Variants in TAOK3 observed in about 807,000 individuals in gnomAD.
TAOK3 encodes serine/threonine-protein kinase TAO3.
Under a neutral mutation model 120.4 loss-of-function variants are expected in TAOK3, and 40 were observed. The ratio of observed to expected loss-of-function variants is 0.33; its 90% CI spans 0.26 to 0.43. TAOK3 has a LOEUF of 0.43. Among genes scored for constraint, TAOK3 ranks in the 20% least tolerant of loss-of-function variants. TAOK3 has a pLI of 1.00. For synonymous variants in TAOK3, 355 were observed against 387.5 expected (o/e 0.92, Z 0.99); for missense variants, 821 against 1,112.1 (o/e 0.74, Z 3.72).
At chr12:118,156,648 A>G (rs1255755543) in intron 19 of TAOK3, among the ~76,000 whole-genome samples, 4 of 152,020 alleles carry the variant, frequency 2.6e-5, no homozygotes, top group Admixed American at 6.6e-5. Context: ...CGCAGCCAAT[A>G]CATCACCTTT....
intron 1 of TAOK3, among the ~76,000 whole-genome samples, chr12:118,361,337 T>C (rs1444664642): frequency 6.6e-6 from 1 of 152,204 alleles, no homozygotes; most frequent in African/African-American, 2.4e-5. Context: ...TTCATTTGTA[T>C]TCAATGAAAT....
intron 9 of TAOK3, among the ~76,000 whole-genome samples, chr12:118,231,073 T>G (rs958437151): frequency 1.2e-4 from 18 of 152,296 alleles, no homozygotes; most frequent in African/African-American, 4.3e-4. Flanking sequence ...AAGATATTAT[T>G]AAGTGAAAAA....
At chr12:118,301,078 T>C (rs115794877) in intron 1 of TAOK3, among the ~76,000 whole-genome samples, 2,280 of 152,220 alleles carry the variant, frequency 0.015, 53 homozygotes, top group African/African-American at 0.051. Flanking sequence ...ATCCTGCCTA[T>C]TTTTAAAATT....
intron 15 of TAOK3, among the ~76,000 whole-genome samples, chr12:118,178,699 C>T (rs1023159754): frequency 3.9e-5 from 6 of 152,194 alleles, no homozygotes; most frequent in African/African-American, 1.4e-4. Flanking sequence ...CTCAAATGAT[C>T]CACCTGCCTC....
In TAOK3 at chr12:118,175,355, G is replaced by A. The variant is rs904249691; in HGVS notation, c.1695+1846C>T. ...CAGAATATGAGCTCAGGCCAGGCGT[G>A]GTGGCTCACGCCTGTAATCTCAGCA... is the stretch of plus-strand genomic sequence containing the variant. On this transcript the variant is annotated intron_variant, in intron 16 of 20. Transcript: ENST00000392533. 4.6e-5 allele frequency among the ~76,000 whole-genome samples: 7 copies of A among 152,216 alleles called. 1 individual carries two copies. Among genetic ancestry groups the A allele is most frequent in the Admixed American group, 1.3e-4 (2 of 15,288 alleles).
intron 15 of TAOK3, among the ~76,000 whole-genome samples, chr12:118,178,320 G>A (rs2036478152): frequency 6.6e-6 from 1 of 152,088 alleles, no homozygotes; most frequent in East Asian, 1.9e-4. Context: ...ATAGCCCAAA[G>A]GTTAAGTTGT....
chr12:118,182,403 G>A (rs2036790335), intron 14 of TAOK3, among the ~76,000 whole-genome samples: 1 of 151,616 alleles, frequency 6.6e-6, no homozygotes, highest in Non-Finnish European at 1.5e-5. Flanking sequence ...ATTATCTGTT[G>A]TGGGGGCCGT....
At chr12:118,327,391 TGAAAGC>T (rs2043977378) in intron 1 of TAOK3, among the ~76,000 whole-genome samples, 1 of 152,190 alleles carries the variant, frequency 6.6e-6, no homozygotes, top group Non-Finnish European at 1.5e-5. Flanking sequence ...AATCATAGCA[TGAAAGC>T]TAAAGTTGAA....
intron 1 of TAOK3, among the ~76,000 whole-genome samples, chr12:118,289,473 C>G (rs994120164): frequency 6.6e-6 from 1 of 151,688 alleles, no homozygotes; most frequent in East Asian, 1.9e-4. Flanking sequence ...TGTCTATACC[C>G]AAGAACTTAA....
intron 1 of TAOK3, among the ~76,000 whole-genome samples, chr12:118,352,898 C>G (rs962864573): frequency 6.6e-6 from 1 of 152,038 alleles, no homozygotes; most frequent in African/African-American, 2.4e-5. Context: ...TTAGTAGAGA[C>G]AAGGTTTCAC....
At chr12:118,154,089 G>A (rs1014042333) in intron 19 of TAOK3, among the ~76,000 whole-genome samples, 1 of 152,266 alleles carries the variant, frequency 6.6e-6, no homozygotes, top group Admixed American at 6.5e-5. Context: ...AGGATTTACT[G>A]GCTCCCAATG....
intron 9 of TAOK3, among the ~76,000 whole-genome samples, chr12:118,222,163 G>A (rs2039266763): frequency 6.6e-6 from 1 of 152,074 alleles, no homozygotes; most frequent in Admixed American, 6.6e-5. Context: ...GTGCCTACAT[G>A]TATGTTTATC....
intron 8 of TAOK3, among the ~76,000 whole-genome samples, chr12:118,234,032 T>C (rs1192192579): frequency 2.0e-5 from 3 of 152,078 alleles, no homozygotes; most frequent in African/African-American, 7.2e-5. Flanking sequence ...AACCTATCTG[T>C]ACATCAGTTT....
intron 1 of TAOK3, among the ~76,000 whole-genome samples, chr12:118,350,880 GAAAAAGAAAAA>G (rs1462524434): frequency 7.9e-6 from 1 of 127,386 alleles, no homozygotes; most frequent in Non-Finnish European, 1.7e-5. Context: ...AAAAAGAAAA[GAAAAAGAAAAA>G]AAAAAGGCCA....
chr12:118,239,340 C>T, intron 5 of TAOK3, 68 bp from the exon 6 acceptor site: 1 of 880,206 alleles, frequency 1.1e-6, no homozygotes, highest in Admixed American at 2.2e-5. Context: ...ACCAACTAAA[C>T]AACCAATCAA....
At chr12:118,304,876 A>C (rs189113968) in intron 1 of TAOK3, among the ~76,000 whole-genome samples, 2 of 152,346 alleles carry the variant, frequency 1.3e-5, no homozygotes, top group East Asian at 3.9e-4. Flanking sequence ...AAAGAGAAAC[A>C]ACACGACACC....
At chr12:118,319,849 A>G (rs2043628782) in intron 1 of TAOK3, among the ~76,000 whole-genome samples, 1 of 152,166 alleles carries the variant, frequency 6.6e-6, no homozygotes, top group Non-Finnish European at 1.5e-5. Context: ...TCCCAGTTAT[A>G]TACCCCAAAG....
At chr12:118,238,737 T>C (rs1157779652) in intron 6 of TAOK3, among the ~76,000 whole-genome samples, 1 of 151,836 alleles carries the variant, frequency 6.6e-6, no homozygotes, top group Admixed American at 6.6e-5. Context: ...TGGGCTCAAG[T>C]GATCCTCCTG....
At chr12:118,243,366 A>G in intron 5 of TAOK3, 49 bp downstream of exon 5, 1 of 1,053,092 alleles carries the variant, frequency 9.5e-7, no homozygotes, top group East Asian at 2.6e-5. Context: ...AAAAAAAAGA[A>G]AAAGAAAAAA....
Sources: gnomAD v4.1 joint callset for allele counts (sites outside exome capture counted in the v4.1 genomes callset) on GRCh38, gnomAD v4.1.1 for gene constraint, MANE v1.5 for transcripts, NCBI Gene and HGNC (gene_info 2026-07-23, HGNC 2026-07-21) for gene names.